Variants in ACSM3 observed in about 807,000 individuals in gnomAD.
ACSM3 encodes acyl-CoA synthetase medium chain family member 3.
Under a neutral mutation model 74.1 loss-of-function variants are expected in ACSM3, and 61 were observed. The observed-to-expected ratio is 0.82, with a 90% CI of 0.67 to 1.02. The LOEUF is 1.02. Ranked by LOEUF, ACSM3 falls within the 50% of genes least tolerant of loss-of-function variation. ACSM3 has a pLI of 0.00. For missense variants in ACSM3, 660 were observed against 697.0 expected (o/e 0.95, Z 0.60); for synonymous variants, 213 against 241.5 (o/e 0.88, Z 1.09).
chr16:20,739,963 G>A (rs2079903061), intron 1 of ACSM3, among the ~76,000 whole-genome samples: 1 of 152,194 alleles, frequency 6.6e-6, no homozygotes, highest in Non-Finnish European at 1.5e-5. Context: ...TCATTTTAGG[G>A]TGGACCTTAA....
intron 1 of ACSM3, among the ~76,000 whole-genome samples, chr16:20,691,551 G>A (rs2079652316): frequency 1.3e-5 from 2 of 152,034 alleles, no homozygotes; most frequent in African/African-American, 2.4e-5. Context: ...AGAGCAACTC[G>A]CCTTTTGGAA....
rs142763009 is a variant in ACSM3, at chr16:20,714,112, A to G, written c.-189-35798A>G. On this transcript the variant is annotated intron_variant, in intron 1 of 3. Coordinates refer to the ACSM3 transcript ENST00000561584. ...AATTATATTTCTCTTTTTCTGTCCT[A>G]GTACAGAAGACCCTGTCCGGGACTC... Among the ~76,000 whole-genome samples, 59 of 152,176 alleles carry G rather than the reference A, an allele frequency of 3.9e-4. No homozygotes were observed. In the East Asian group the frequency reaches 0.011, roughly 28 times the overall value.
At chr16:20,683,115 T>C (rs1393756365) in intron 1 of ACSM3, among the ~76,000 whole-genome samples, 2 of 151,502 alleles carry the variant, frequency 1.3e-5, no homozygotes, top group Non-Finnish European at 2.9e-5. Flanking sequence ...CTTTTTTTCT[T>C]TTATTTATTT....
At chr16:20,787,171 G>T (rs1230649469) in intron 9 of ACSM3, among the ~76,000 whole-genome samples, 3 of 152,212 alleles carry the variant, frequency 2.0e-5, no homozygotes, top group Non-Finnish European at 2.9e-5. Context: ...CTCAACTTAT[G>T]ATAGGGTTAT....
chr16:20,717,856 G>GAGGAGA (rs747587320), intron 1 of ACSM3, among the ~76,000 whole-genome samples: 24 of 150,792 alleles, frequency 1.6e-4, no homozygotes, highest in African/African-American at 5.6e-4. Context: ...GGAGGAAGAG[G>GAGGAGA]AGGAGAAGGA....
intron 4 of ACSM3, among the ~76,000 whole-genome samples, chr16:20,779,399 G>A (rs555805532): frequency 1.7e-4 from 26 of 149,290 alleles, no homozygotes; most frequent in Middle Eastern, 3.4e-3. Context: ...ACTCCAGCCT[G>A]GGTGAGAGAG....
At chr16:20,701,951 A>C (rs548938134) in intron 1 of ACSM3, among the ~76,000 whole-genome samples, 6 of 152,158 alleles carry the variant, frequency 3.9e-5, no homozygotes, top group Non-Finnish European at 8.8e-5. Flanking sequence ...ATGGATGGGC[A>C]TTCTGGTTGG....
chr16:20,695,874 T>C (rs758241575), intron 1 of ACSM3, among the ~76,000 whole-genome samples: 1 of 152,222 alleles, frequency 6.6e-6, no homozygotes, highest in African/African-American at 2.4e-5. Context: ...TATCTGTGTA[T>C]ATCTATACAT....
chr16:20,741,855 C>A, intron 1 of ACSM3: 1 of 1,536,004 alleles, frequency 6.5e-7, no homozygotes, highest in Non-Finnish European at 8.7e-7. Context: ...CCTAGCCGGC[C>A]TCGAAGCCTC....
chr16:20,770,486 T>A (rs2080179597), intron 2 of ACSM3, among the ~76,000 whole-genome samples: 2 of 151,846 alleles, frequency 1.3e-5, no homozygotes, highest in Non-Finnish European at 2.9e-5. Context: ...CCATGGTTAG[T>A]TGAGAGACCC....
intron 1 of ACSM3, among the ~76,000 whole-genome samples, chr16:20,724,282 CAT>C (rs1262316703): frequency 6.6e-6 from 1 of 152,200 alleles, no homozygotes; most frequent in African/African-American, 2.4e-5. Context: ...ACAAAAATCA[CAT>C]GATTATCTCA....
intron 1 of ACSM3, among the ~76,000 whole-genome samples, chr16:20,688,163 G>A (rs2079587899): frequency 6.6e-6 from 1 of 151,484 alleles, no homozygotes; most frequent in African/African-American, 2.4e-5. Flanking sequence ...TAACTAAATT[G>A]AAAATTCACT....
intron 1 of ACSM3, chr16:20,729,415 T>C: frequency 2.1e-6 from 2 of 937,064 alleles, no homozygotes. Flanking sequence ...GCTCTCCTAC[T>C]GGAGGATGTG....
chr16:20,720,413 G>A (rs1023325770), intron 1 of ACSM3, among the ~76,000 whole-genome samples: 5 of 152,182 alleles, frequency 3.3e-5, no homozygotes, highest in East Asian at 1.9e-4. Flanking sequence ...AATAGGGTAC[G>A]CACTCCTATA....
intron 1 of ACSM3, among the ~76,000 whole-genome samples, chr16:20,716,727 C>T (rs1445172145): frequency 6.6e-6 from 1 of 152,202 alleles, no homozygotes; most frequent in East Asian, 1.9e-4. Context: ...AGTGTGGGCT[C>T]CTAGAGCTCA....
At chr16:20,704,124 T>C (rs1447088399) in intron 1 of ACSM3, among the ~76,000 whole-genome samples, 4 of 152,182 alleles carry the variant, frequency 2.6e-5, no homozygotes, top group African/African-American at 9.7e-5. Flanking sequence ...GCTGCAAGCT[T>C]GATATTTTTA....
At position 20,775,094 on chromosome 16, in the gene ACSM3, G is replaced by A. The variant is rs191791533; in HGVS notation, c.220-745G>A. ...TGTAGGCTCGGGTGCCAGTGGCCTG[G>A]CTCTATCACTGGATCCACCTGGTGT... On this transcript the variant is annotated intron_variant, in intron 2 of 13. Transcript: ENST00000289416. 1.5e-3 allele frequency among the ~76,000 whole-genome samples: 204 copies of A among 132,804 alleles called. 1 individual carries two copies. Among genetic ancestry groups the A allele is most frequent in the African/African-American group, 5.5e-3 (196 of 35,572 alleles). The allele number at this position is 132,804 out of a possible 152,430, so 87.1% of individuals were successfully genotyped here. A position where few individuals can be genotyped will look rare whatever the true frequency, so the allele number is the denominator to read the frequency against.
rs201853724 is a variant in ACSM3, at chr16:20,737,013, G to A, written c.-189-12897G>A. 25 of 1,613,998 alleles carry A rather than the reference G, an allele frequency of 1.5e-5. No individual in the cohort carries two copies. In the Middle Eastern group the frequency reaches 4.9e-4, roughly 32 times the overall value. ...CTGCCCCAGCTCCTCAGTATTCTCT[G>A]GTACCTGCTGGTTATTTTTTCCTTC... On this transcript the variant is annotated intron_variant, in intron 1 of 3. Coordinates refer to the ACSM3 transcript ENST00000561584.
At position 20,766,361 on chromosome 16, in the gene ACSM3, A is replaced by C. The variant is rs554922859; in HGVS notation, c.-52+2236A>C. Among the ~76,000 whole-genome samples the C allele has an allele frequency of 5.8e-5, 8 of 137,772 alleles. No individual in the cohort carries two copies. In the South Asian group the frequency reaches 1.9e-3, roughly 32 times the overall value. The allele number at this position is 137,772 out of a possible 152,430, so 90.4% of individuals were successfully genotyped here. A position where few individuals can be genotyped will look rare whatever the true frequency, so the allele number is the denominator to read the frequency against. On this transcript the variant is annotated intron_variant, in intron 1 of 13. Transcript: ENST00000289416. ...TGTCATACAACTGTTAAAAGAAAAAAATCAGAACAGGGCTGAGTGTGGTGG... is the reference window on the plus strand; with the variant it reads ...TGTCATACAACTGTTAAAAGAAAAACATCAGAACAGGGCTGAGTGTGGTGG...
Sources: gnomAD v4.1 joint callset for allele counts (sites outside exome capture counted in the v4.1 genomes callset) on GRCh38, gnomAD v4.1.1 for gene constraint, MANE v1.5 for transcripts, NCBI Gene and HGNC (gene_info 2026-07-23, HGNC 2026-07-21) for gene names.